Variants in SH3RF3 observed in about 807,000 individuals in gnomAD.
SH3RF3 encodes the protein E3 ubiquitin-protein ligase SH3RF3.
In SH3RF3, 29 loss-of-function variants were observed where a neutral mutation model predicts 66.3. That is an observed-to-expected ratio of 0.44 (90% CI 0.33 to 0.60). SH3RF3 has a LOEUF of 0.60. Among genes scored for constraint, SH3RF3 ranks in the 20% least tolerant of loss-of-function variants. The probability of loss-of-function intolerance (pLI) is 0.04; values close to 1 mark genes in which losing one functional copy is unlikely to be tolerated. For missense variants in SH3RF3, 1,194 were observed against 1,190.9 expected (o/e 1.00, Z -0.04); for synonymous variants, 583 against 532.0 (o/e 1.10, Z -1.32).
At chr2:109,450,170 A>T (rs1014370769) in intron 8 of SH3RF3, among the ~76,000 whole-genome samples, 4 of 151,628 alleles carry the variant, frequency 2.6e-5, no homozygotes, top group African/African-American at 9.7e-5. Flanking sequence ...ACATGGCAAA[A>T]CCCCATCTCT....
chr2:109,415,910 C>G (rs1029488762), intron 4 of SH3RF3, among the ~76,000 whole-genome samples: 2 of 152,096 alleles, frequency 1.3e-5, no homozygotes, highest in African/African-American at 4.8e-5. Context: ...GTCACAAGGG[C>G]AAGGCTGAAT....
chr2:109,449,214 G>T lies in SH3RF3; in HGVS notation c.1873G>T (p.Val625Leu). 6.2e-7 allele frequency: 1 copy of T among 1,613,526 alleles called. No homozygotes were observed. Residue 625 changes from valine to leucine, a missense_variant, in exon 8 of 10, where the codon GTG (valine) becomes TTG (leucine). Coordinates refer to ENST00000309415, the MANE Select transcript of SH3RF3 (RefSeq NM_001099289.3). The part of the protein sequence containing the change: ...AQAQDRPTAT[V>L]SPLRTQNSPS... Reference sequence around the variant, plus strand: ...GGCTCAGGACCGGCCAACTGCCACCGTGTCACCCCTGCGCACCCAGAACTC... The same window carrying T: ...GGCTCAGGACCGGCCAACTGCCACCTTGTCACCCCTGCGCACCCAGAACTC...
chr2:109,254,795 C>T (rs1024218338), intron 1 of SH3RF3, among the ~76,000 whole-genome samples: 3 of 152,214 alleles, frequency 2.0e-5, no homozygotes, highest in East Asian at 1.9e-4. Flanking sequence ...TCCAGTTAAG[C>T]CAACAGATGG....
chr2:109,274,625 G>T (rs1680707531), intron 1 of SH3RF3, among the ~76,000 whole-genome samples: 1 of 152,216 alleles, frequency 6.6e-6, no homozygotes, highest in East Asian at 1.9e-4. Context: ...GCCATGGGCT[G>T]AGAAGAGGCG....
intron 1 of SH3RF3, among the ~76,000 whole-genome samples, chr2:109,221,619 T>C (rs549356532): frequency 3.3e-5 from 5 of 151,010 alleles, no homozygotes; most frequent in Non-Finnish European, 4.4e-5. Flanking sequence ...ATCTTCCTGA[T>C]GGTTAGTAAT....
At chr2:109,276,850 G>A (rs1446804354) in intron 1 of SH3RF3, among the ~76,000 whole-genome samples, 1 of 152,032 alleles carries the variant, frequency 6.6e-6, no homozygotes, top group Non-Finnish European at 1.5e-5. Context: ...ATATAGTTAA[G>A]CAAGATAAAA....
At chr2:109,224,750 G>T (rs1679332179) in intron 1 of SH3RF3, among the ~76,000 whole-genome samples, 2 of 152,134 alleles carry the variant, frequency 1.3e-5, no homozygotes, top group East Asian at 3.9e-4. Context: ...CCAGCTACTT[G>T]GGAGGCTGAG....
intron 1 of SH3RF3, among the ~76,000 whole-genome samples, chr2:109,203,745 C>T (rs149949851): frequency 4.6e-5 from 7 of 152,340 alleles, no homozygotes; most frequent in African/African-American, 1.7e-4. Context: ...TCTGCCCAGC[C>T]CACAGAACCC....
At chr2:109,446,085 G>A (rs562460761) in intron 7 of SH3RF3, among the ~76,000 whole-genome samples, 5 of 152,242 alleles carry the variant, frequency 3.3e-5, no homozygotes, top group Admixed American at 1.3e-4. Flanking sequence ...CATCACTAAC[G>A]AGTAGTCCCA....
intron 1 of SH3RF3, among the ~76,000 whole-genome samples, chr2:109,210,761 A>G (rs1398303825): frequency 1.3e-5 from 2 of 152,192 alleles, no homozygotes; most frequent in Non-Finnish European, 2.9e-5. Context: ...AATGCTGTGA[A>G]TTAGTCGACT....
intron 1 of SH3RF3, among the ~76,000 whole-genome samples, chr2:109,275,629 CG>C (rs1386663357): frequency 6.6e-6 from 1 of 152,190 alleles, no homozygotes; most frequent in Non-Finnish European, 1.5e-5. Context: ...GCCTGGGGAA[CG>C]GTTGCACTTC....
intron 1 of SH3RF3, among the ~76,000 whole-genome samples, chr2:109,345,776 T>A (rs749783500): frequency 5.9e-5 from 9 of 152,236 alleles, no homozygotes; most frequent in Admixed American, 1.3e-4. Context: ...TTTGTAAATT[T>A]AACCAAACAG....
chr2:109,414,561 C>T (rs984775938), intron 4 of SH3RF3, among the ~76,000 whole-genome samples: 2 of 152,176 alleles, frequency 1.3e-5, no homozygotes, highest in African/African-American at 2.4e-5. Context: ...ACAGGTCACA[C>T]ACCTGGGAGC....
chr2:109,325,823 G>A (rs1421387812), intron 1 of SH3RF3, among the ~76,000 whole-genome samples: 1 of 152,206 alleles, frequency 6.6e-6, no homozygotes, highest in Non-Finnish European at 1.5e-5. Flanking sequence ...AAAGATGCTG[G>A]CCCGAGCAGG....
intron 1 of SH3RF3, chr2:109,141,625 T>G (rs1218317344): frequency 6.5e-6 from 1 of 154,808 alleles, no homozygotes; most frequent in Non-Finnish European, 1.5e-5. Context: ...GAATTTAGGG[T>G]GCAGATCCCA....
intron 3 of SH3RF3, among the ~76,000 whole-genome samples, chr2:109,372,787 T>TC (rs1683303354): frequency 1.3e-5 from 2 of 152,004 alleles, no homozygotes; most frequent in South Asian, 2.1e-4. Flanking sequence ...GCTCCATGTG[T>TC]CCCCCCTGCC....
chr2:109,397,954 C>T (rs1449469380), intron 3 of SH3RF3, among the ~76,000 whole-genome samples: 2 of 152,226 alleles, frequency 1.3e-5, no homozygotes, highest in Admixed American at 6.5e-5. Flanking sequence ...CCTGAGACCT[C>T]GCCAAATCAC....
intron 1 of SH3RF3, among the ~76,000 whole-genome samples, chr2:109,336,827 G>A (rs1032799428): frequency 6.6e-6 from 1 of 152,148 alleles, no homozygotes; most frequent in Non-Finnish European, 1.5e-5. Context: ...GGGTGCCGAG[G>A]GACCCTCTCC....
At chr2:109,142,236 T>C (rs982036702) in intron 1 of SH3RF3, among the ~76,000 whole-genome samples, 3 of 152,156 alleles carry the variant, frequency 2.0e-5, no homozygotes, top group African/African-American at 7.2e-5. Flanking sequence ...CATTTCCAGT[T>C]CTTTGCCAGC....
Sources: allele counts gnomAD v4.1 joint callset (sites outside exome capture counted in the v4.1 genomes callset), GRCh38; gene constraint gnomAD v4.1.1; transcripts MANE v1.5; gene names NCBI Gene and HGNC (gene_info 2026-07-23, HGNC 2026-07-21).